The following MRPL9 variants were observed in gnomAD, a reference collection of about 807,000 sequenced individuals.
MRPL9 encodes large ribosomal subunit protein bL9m.
MRPL9 carries 25 observed loss-of-function variants against 27.6 expected under a neutral mutation model. The observed-to-expected ratio is 0.91, with a 90% CI of 0.66 to 1.27. The LOEUF is 1.27. MRPL9 is among the 50% of genes most tolerant of loss of function. The pLI is 0.00. For missense variants in MRPL9, 362 were observed against 338.0 expected, an observed-to-expected ratio of 1.07 and a Z score of -0.56; for synonymous variants, 154 against 139.0, an observed-to-expected ratio of 1.11 and a Z score of -0.76.
chr1:151,760,924 A>AAAAAAAAAAAAAAAAAC, intron 5 of MRPL9, 25 bp from the exon 6 acceptor site: 1 of 1,514,066 alleles, frequency 6.6e-7, no homozygotes, highest in Non-Finnish European at 8.9e-7. Flanking sequence ...AAAAAAAAAA[A>AAAAAAAAAAAAAAAAAC]AATCTCAGCT....
chr1:151,763,148 T>C lies in MRPL9; in HGVS notation c.154-2A>G. Reference sequence around the variant, plus strand: ...CCAGCGCTCCACGATGACCGTGCCCTGGCGGCCAGGAAAGCGACGGTAAGC... The same window carrying C: ...CCAGCGCTCCACGATGACCGTGCCCCGGCGGCCAGGAAAGCGACGGTAAGC... On this transcript the variant is annotated splice_acceptor_variant, in intron 1 of 6. Transcript: ENST00000368830. LOFTEE classifies it high-confidence loss of function. 1 of 1,612,434 alleles carries C rather than the reference T, an allele frequency of 6.2e-7. No homozygotes were observed. Among genetic ancestry groups the C allele is most frequent in the Non-Finnish European group, 8.5e-7 (1 of 1,178,894 alleles).
intron 4 of MRPL9, 34 bp from the exon 5 acceptor site, chr1:151,761,586 G>A (rs746492409): frequency 4.7e-6 from 7 of 1,504,142 alleles, no homozygotes; most frequent in East Asian, 4.5e-5. Flanking sequence ...TCAAAGGAGA[G>A]GAAACATGTC....
chr1:151,762,561 G>A, intron 2 of MRPL9, 61 bp from the exon 3 acceptor site: 1 of 1,536,242 alleles, frequency 6.5e-7, no homozygotes, highest in Non-Finnish European at 8.8e-7. Flanking sequence ...AAGAAAAGAT[G>A]TCAAAAAGAG....
chr1:151,762,105 C>T lies in MRPL9; in HGVS notation c.486G>A (p.Ala162=), dbSNP rs762267979. The T allele has an allele frequency of 2.0e-5, 32 of 1,613,862 alleles. No individual in the cohort carries two copies. Among genetic ancestry groups the T allele is most frequent in the Admixed American group, 5.0e-5 (3 of 59,998 alleles). ...LEKIQTKAGE[A]TVKFLKSCRL... is the part of the protein sequence containing the mutation. ...AAACACTTTTTATGTTTCTACTCACCGCCTCACCTGCCTTGGTCTGGATCT... is the reference window on the plus strand; with the variant it reads ...AAACACTTTTTATGTTTCTACTCACTGCCTCACCTGCCTTGGTCTGGATCT... The change falls in exon 4 of 7, where the codon GCG becomes GCA. Residue 162 remains alanine (A), a splice_region_variant and synonymous_variant. Coordinates refer to ENST00000368830, the MANE Select transcript of MRPL9 (RefSeq NM_031420.4).
intron 4 of MRPL9, 59 bp from the exon 5 acceptor site, chr1:151,761,611 T>G: frequency 3.0e-6 from 4 of 1,347,222 alleles, no homozygotes; most frequent in Non-Finnish European, 4.2e-6. Context: ...TCACAGGGTA[T>G]GCAAGCCAAG....
rs566193409 is a variant in MRPL9 at position 151,760,538 on chromosome 1, C to T, written c.672+278G>A. Reference sequence around the variant, plus strand: ...GTTGCAGTGAGCTGAGATCGTGCCACTGCACTCCAGTCTGGGCAACAGAGT... The same window carrying T: ...GTTGCAGTGAGCTGAGATCGTGCCATTGCACTCCAGTCTGGGCAACAGAGT... On this transcript the variant is annotated intron_variant, in intron 6 of 6. Coordinates refer to ENST00000368830, the MANE Select transcript of MRPL9 (RefSeq NM_031420.4). Among the ~76,000 whole-genome samples the T allele has an allele frequency of 5.3e-5, 7 of 131,914 alleles. No homozygotes were observed. The East Asian group carries it at 1.4e-3, about 27-fold the overall frequency. 86.5% of individuals were successfully genotyped at this position (131,914 alleles called of 152,430 possible). A position where few individuals can be genotyped will look rare whatever the true frequency, so the allele number is the denominator to read the frequency against.
chr1:151,762,565 A>G, intron 2 of MRPL9, 65 bp from the exon 3 acceptor site: 1 of 1,528,718 alleles, frequency 6.5e-7, no homozygotes, highest in Admixed American at 2.0e-5. Context: ...AAAGATGTCA[A>G]AAAGAGAAGC....
At position 151,762,508 on chromosome 1, in the gene MRPL9, T is replaced by C. The variant is rs575698582; in HGVS notation, c.311-8A>G. 5.0e-6 allele frequency: 8 copies of C among 1,613,580 alleles called. No individual in the cohort carries two copies. The South Asian group carries it at 8.8e-5, about 18-fold the overall frequency. On this transcript the variant is annotated splice_polypyrimidine_tract_variant and splice_region_variant and intron_variant, in intron 2 of 6. Coordinates refer to ENST00000368830, the MANE Select transcript of MRPL9 (RefSeq NM_031420.4). ...CACCCCGGACTCCAACATCTGTCAA[T>C]TAGAACAGAGACAGGGGAATTAGAA...
At chr1:151,760,921 A>AAAAAAAAAAAAAAAAAAAAAAAAT (rs1553276958) in intron 5 of MRPL9, 22 bp from the exon 6 acceptor site, 1 of 1,539,532 alleles carries the variant, frequency 6.5e-7, no homozygotes, top group African/African-American at 1.5e-5. Context: ...AAAAAAAAAA[A>AAAAAAAAAAAAAAAAAAAAAAAAT]AAAAATCTCA....
In MRPL9 at chr1:151,761,555, G is replaced by A. The variant is rs745690372; in HGVS notation, c.487-3C>T. The A allele has an allele frequency of 1.2e-6, 2 of 1,602,380 alleles. No homozygotes were observed. Among genetic ancestry groups the A allele is most frequent in the Non-Finnish European group, 1.7e-6 (2 of 1,169,936 alleles). On this transcript the variant is annotated splice_polypyrimidine_tract_variant and splice_region_variant and intron_variant, in intron 4 of 6. Transcript: ENST00000368830. The stretch of plus-strand genomic sequence containing the variant: ...CAGCTTTTTAGAAATTTCACTGTCT[G>A]AAAGGAATTATGAGTTTGAGTCAAA...
chr1:151,760,058 G>C lies in MRPL9; in HGVS notation c.796C>G (p.Gln266Glu). 6.2e-7 allele frequency: 1 copy of C among 1,613,788 alleles called. No homozygotes were observed. ...TTGGAGGGAGAGTAGATTTAGATCT[G>C]GGGGCTGGTGGGGGCCATAGCCTTG... ...AAKAMAPTSP[Q>E]I The change falls in exon 7 of 7, where the codon CAG becomes GAG. Residue 266 changes from glutamine to glutamate, a missense_variant. Transcript: ENST00000368830.
intron 6 of MRPL9, 110 bp from the exon 7 acceptor site, chr1:151,760,291 G>A: frequency 1.4e-6 from 2 of 1,423,634 alleles, no homozygotes; most frequent in Non-Finnish European, 9.7e-7. Flanking sequence ...AAAAAGGAGA[G>A]CTAGGGCTGG....
chr1:151,760,750 G>GA (rs1648024618), intron 6 of MRPL9, 66 bp downstream of exon 6: 3 of 1,413,462 alleles, frequency 2.1e-6, no homozygotes, highest in Non-Finnish European at 9.6e-7. Context: ...TAAGAGAAAG[G>GA]AAAAAAAGGA....
At position 151,759,923 on chromosome 1, in the gene MRPL9, G is replaced by C. The variant is rs1467961659; in HGVS notation, c.*127C>G. On this transcript the variant is annotated 3_prime_UTR_variant, in exon 7 of 7. Coordinates refer to ENST00000368830, the MANE Select transcript of MRPL9 (RefSeq NM_031420.4). ...GAATTCAACATGTATACGCAGTGCAGTCTGATGTCTTCAGATGTTCTCTAA... is the reference window on the plus strand; with the variant it reads ...GAATTCAACATGTATACGCAGTGCACTCTGATGTCTTCAGATGTTCTCTAA... 7.9e-6 allele frequency: 10 copies of C among 1,263,072 alleles called. No individual in the cohort carries two copies. The allele number at this position is 1,263,072 out of a possible 1,614,324, so 78.2% of individuals were successfully genotyped here.
chr1:151,760,823 T>A lies in MRPL9; in HGVS notation c.665A>T (p.Glu222Val). 1 of 1,575,780 alleles carries A rather than the reference T, an allele frequency of 6.3e-7. No homozygotes were observed. Among genetic ancestry groups the A allele is most frequent in the African/African-American group, 1.4e-5 (1 of 69,642 alleles). ...PITRWGEYWC[E>V]VTVNGLDTVR... Reference sequence around the variant, plus strand: ...AGTATGCAAAACACTCACCGTCACCTCACACCAATACTCGCCCCACCGTGT... The same window carrying A: ...AGTATGCAAAACACTCACCGTCACCACACACCAATACTCGCCCCACCGTGT... The change falls in exon 6 of 7, where the codon GAG becomes GTG. Residue 222 changes from glutamate (E) to valine (V), a missense_variant. Coordinates refer to ENST00000368830, the MANE Select transcript of MRPL9 (RefSeq NM_031420.4).
chr1:151,760,982 G>A (rs1648047661), intron 5 of MRPL9, 83 bp from the exon 6 acceptor site: 5 of 1,267,318 alleles, frequency 3.9e-6, no homozygotes, highest in Non-Finnish European at 5.3e-6. Flanking sequence ...ACCTCATAAA[G>A]AGGGTTACAG....
chr1:151,763,143 T>G lies in MRPL9; in HGVS notation c.157A>C (p.Thr53Pro). The change falls in exon 2 of 7, where the codon ACG (threonine) becomes CCG (proline). Residue 53 changes from threonine (T) to proline (P), a missense_variant. Physicochemically the swap from Thr to Pro is conservative, Grantham distance 38 (BLOSUM62 -1). Coordinates refer to ENST00000368830, the MANE Select transcript of MRPL9 (RefSeq NM_031420.4). ...CNFSLSQNRG[T>P]VIVERWWKVP... ...TTCCACCAGCGCTCCACGATGACCG[T>G]GCCCTGGCGGCCAGGAAAGCGACGG... 6.2e-7 allele frequency: 1 copy of G among 1,612,874 alleles called. No homozygotes were observed. The highest frequency in any genetic ancestry group is 8.5e-7 in the Non-Finnish European group (1 of 1,179,144).
chr1:151,760,744 A>AGAAAG (rs1483883430), intron 6 of MRPL9, 72 bp downstream of exon 6: 1 of 1,359,538 alleles, frequency 7.4e-7, no homozygotes, highest in Non-Finnish European at 1.0e-6. Flanking sequence ...TGTCTTTAAG[A>AGAAAG]GAAAGGAAAA....
At chr1:151,762,787 T>G in intron 2 of MRPL9, 2 of 722,282 alleles carry the variant, frequency 2.8e-6, no homozygotes, top group Non-Finnish European at 4.6e-6. Flanking sequence ...CTGTTAATGA[T>G]GTTGCTGCCT....
Sources: gnomAD v4.1 joint callset for allele counts (sites outside exome capture counted in the v4.1 genomes callset) on GRCh38, gnomAD v4.1.1 for gene constraint, MANE v1.5 for transcripts, NCBI Gene and HGNC (gene_info 2026-07-23, HGNC 2026-07-21) for gene names.